Variants in RAD51B observed in about 807,000 individuals in gnomAD.
RAD51B encodes RAD51 paralog B, also known as DNA repair protein RAD51 homolog 2.
Under a neutral mutation model 42.2 loss-of-function variants are expected in RAD51B, and 38 were observed. That is an observed-to-expected ratio of 0.90 (90% CI 0.70 to 1.18). The LOEUF is 1.18. RAD51B is among the 50% of genes most tolerant of loss of function. The pLI is 0.00. For missense variants in RAD51B, 373 were observed against 400.7 expected, an observed-to-expected ratio of 0.93 and a Z score of 0.59; for synonymous variants, 154 against 145.2, an observed-to-expected ratio of 1.06 and a Z score of -0.43.
intron 7 of RAD51B, among the ~76,000 whole-genome samples, chr14:67,934,810 T>C (rs1248770062): frequency 6.6e-6 from 1 of 152,044 alleles, no homozygotes; most frequent in African/African-American, 2.4e-5. Context: ...CTCTTATTGA[T>C]GGGGGGGAAT....
intron 7 of RAD51B, among the ~76,000 whole-genome samples, chr14:68,035,164 ATTGTT>A (rs1365231525): frequency 1.3e-5 from 2 of 151,970 alleles, no homozygotes; most frequent in Non-Finnish European, 2.9e-5. Context: ...CATGGATTTT[ATTGTT>A]TTATCTTATT....
chr14:68,519,619 C>T (rs1039545094), intron 10 of RAD51B, among the ~76,000 whole-genome samples: 1 of 152,184 alleles, frequency 6.6e-6, no homozygotes, highest in Non-Finnish European at 1.5e-5. Context: ...CAGGATGAAT[C>T]CATTTTCCAA....
intron 10 of RAD51B, among the ~76,000 whole-genome samples, chr14:68,577,668 C>T (rs901282130): frequency 8.5e-5 from 13 of 152,206 alleles, no homozygotes; most frequent in Admixed American, 1.3e-4. Flanking sequence ...CCTCCCAGCG[C>T]GCCCAGCCCC....
intron 10 of RAD51B, among the ~76,000 whole-genome samples, chr14:68,512,209 C>T (rs542130646): frequency 1.3e-5 from 2 of 152,326 alleles, no homozygotes; most frequent in South Asian, 4.1e-4. Flanking sequence ...CCAACAGCCA[C>T]CTGGCAGTGT....
intron 10 of RAD51B, among the ~76,000 whole-genome samples, chr14:68,627,598 T>G (rs1359283475): frequency 3.9e-5 from 6 of 152,182 alleles, no homozygotes; most frequent in African/African-American, 1.4e-4. Flanking sequence ...TCAAGCACAA[T>G]AACTCACTTC....
At chr14:68,188,123 T>C (rs899997625) in intron 7 of RAD51B, among the ~76,000 whole-genome samples, 1 of 152,140 alleles carries the variant, frequency 6.6e-6, no homozygotes, top group Non-Finnish European at 1.5e-5. Context: ...CCTGGACATA[T>C]TTTATAAAAC....
At chr14:67,910,056 G>A (rs997609752) in intron 7 of RAD51B, among the ~76,000 whole-genome samples, 8 of 152,078 alleles carry the variant, frequency 5.3e-5, no homozygotes, top group Non-Finnish European at 1.0e-4. Flanking sequence ...ACTTATTTGT[G>A]TAAAATTTAA....
intron 7 of RAD51B, among the ~76,000 whole-genome samples, chr14:68,211,075 T>C (rs981151953): frequency 3.3e-5 from 5 of 152,244 alleles, no homozygotes; most frequent in Admixed American, 1.3e-4. Context: ...TGCCTTGTCT[T>C]CCTTGATCTT....
intron 8 of RAD51B, among the ~76,000 whole-genome samples, chr14:68,407,065 C>T (rs2084295353): frequency 6.6e-6 from 1 of 151,974 alleles, no homozygotes. Context: ...GGCTGTTTTA[C>T]AGTTAACTTC....
At chr14:68,219,365 T>C (rs2079878820) in intron 7 of RAD51B, among the ~76,000 whole-genome samples, 1 of 152,194 alleles carries the variant, frequency 6.6e-6, no homozygotes, top group African/African-American at 2.4e-5. Context: ...AAGTGTCACC[T>C]TCTAGCCAGT....
intron 9 of RAD51B, chr14:68,422,223 C>A: frequency 1.1e-6 from 1 of 948,866 alleles, no homozygotes; most frequent in African/African-American, 1.6e-5. Flanking sequence ...TTTTCCTCAG[C>A]GGTGGCGTCC....
chr14:68,239,083 A>G (rs1369730495), intron 7 of RAD51B, among the ~76,000 whole-genome samples: 1 of 152,230 alleles, frequency 6.6e-6, no homozygotes, highest in Non-Finnish European at 1.5e-5. Context: ...CCAAGTTCAC[A>G]TAGATAACTA....
intron 7 of RAD51B, among the ~76,000 whole-genome samples, chr14:68,093,874 A>G (rs1277045722): frequency 2.0e-5 from 3 of 152,134 alleles, no homozygotes; most frequent in Non-Finnish European, 2.9e-5. Context: ...GAGGGGTAGG[A>G]TTGTAGGGTC....
chr14:68,402,147 C>T (rs60018530), intron 8 of RAD51B, among the ~76,000 whole-genome samples: 13 of 152,206 alleles, frequency 8.5e-5, no homozygotes, highest in Non-Finnish European at 1.3e-4. Flanking sequence ...CTATCCCAGT[C>T]TCTTTTCTTT....
chr14:68,551,367 C>T (rs1888562839), intron 10 of RAD51B, among the ~76,000 whole-genome samples: 1 of 152,220 alleles, frequency 6.6e-6, no homozygotes, highest in African/African-American at 2.4e-5. Context: ...GATGCCCAAG[C>T]AGCAGATTTC....
chr14:67,915,289 G>T (rs2044114594), intron 7 of RAD51B, among the ~76,000 whole-genome samples: 1 of 152,192 alleles, frequency 6.6e-6, no homozygotes, highest in Non-Finnish European at 1.5e-5. Context: ...AGAAGGGGGG[G>T]ATTAGGTGTC....
intron 8 of RAD51B, among the ~76,000 whole-genome samples, chr14:68,400,584 G>T (rs1338188984): frequency 1.3e-5 from 2 of 152,198 alleles, no homozygotes; most frequent in Non-Finnish European, 1.5e-5. Context: ...TACAATGGGA[G>T]CAGGAAAGCA....
intron 5 of RAD51B, among the ~76,000 whole-genome samples, chr14:67,868,210 G>T (rs774807815): frequency 6.6e-6 from 1 of 152,162 alleles, no homozygotes; most frequent in Non-Finnish European, 1.5e-5. Context: ...AACAGTGGGC[G>T]CAGGTCAGTG....
intron 10 of RAD51B, among the ~76,000 whole-genome samples, chr14:68,592,115 G>A (rs982207952): frequency 5.3e-5 from 8 of 152,124 alleles, no homozygotes; most frequent in Admixed American, 3.9e-4. Flanking sequence ...TATTAGGAGG[G>A]GGGGAATTGA....
Sources: gnomAD v4.1 joint callset for allele counts (sites outside exome capture counted in the v4.1 genomes callset) on GRCh38, gnomAD v4.1.1 for gene constraint, MANE v1.5 for transcripts, NCBI Gene and HGNC (gene_info 2026-07-23, HGNC 2026-07-21) for gene names.